SMOC2: variants seen among roughly 807,000 people sequenced by gnomAD.
The protein encoded by SMOC2 is SPARC related modular calcium binding 2.
Under a neutral mutation model 61.4 loss-of-function variants are expected in SMOC2, and 39 were observed. The ratio of observed to expected loss-of-function variants is 0.64; its 90% CI spans 0.49 to 0.83. SMOC2 has a LOEUF of 0.83. Among genes scored for constraint, SMOC2 ranks in the 40% least tolerant of loss-of-function variants. The pLI, the probability that SMOC2 is intolerant of heterozygous loss-of-function variation, is 0.00. For synonymous variants in SMOC2, 247 were observed against 239.9 expected (o/e 1.03, Z -0.27); for missense variants, 556 against 592.9 (o/e 0.94, Z 0.65).
intron 1 of SMOC2, among the ~76,000 whole-genome samples, chr6:168,473,969 A>C (rs1041918886): frequency 1.4e-4 from 21 of 152,222 alleles, no homozygotes; most frequent in African/African-American, 5.1e-4. Context: ...TAGGCAGATC[A>C]CTGACCTTAC....
intron 7 of SMOC2, among the ~76,000 whole-genome samples, chr6:168,566,479 C>CTTT (rs10553952): frequency 4.5e-4 from 53 of 118,238 alleles, no homozygotes; most frequent in South Asian, 8.9e-4. Flanking sequence ...TGTAGCACTT[C>CTTT]TTTTTTTTTT....
chr6:168,566,442 C>T (rs558155743), intron 7 of SMOC2, among the ~76,000 whole-genome samples: 114 of 150,066 alleles, frequency 7.6e-4, no homozygotes, highest in Non-Finnish European at 1.3e-3. Context: ...AAGCCTCAGA[C>T]GAATTTTCAG....
intron 9 of SMOC2, among the ~76,000 whole-genome samples, chr6:168,633,205 A>G (rs1424171465): frequency 2.6e-5 from 4 of 152,262 alleles, no homozygotes; most frequent in African/African-American, 9.6e-5. Context: ...TATTCAGATA[A>G]TCATTTGAAC....
chr6:168,582,983 C>T (rs531765804), intron 7 of SMOC2, among the ~76,000 whole-genome samples: 2 of 152,278 alleles, frequency 1.3e-5, no homozygotes, highest in South Asian at 2.1e-4. Flanking sequence ...CCAGACTCGT[C>T]CAGGCTCCGG....
At chr6:168,641,832 G>T (rs904823874) in intron 9 of SMOC2, among the ~76,000 whole-genome samples, 3 of 152,168 alleles carry the variant, frequency 2.0e-5, no homozygotes, top group Admixed American at 6.5e-5. Context: ...TTCTATCAGT[G>T]TATTAGTTAT....
At chr6:168,567,327 T>C (rs182299746) in intron 7 of SMOC2, among the ~76,000 whole-genome samples, 15 of 152,328 alleles carry the variant, frequency 9.8e-5, no homozygotes, top group African/African-American at 3.4e-4. Context: ...TCTAAAGCCA[T>C]TAGTTCAAAT....
intron 9 of SMOC2, among the ~76,000 whole-genome samples, chr6:168,633,769 G>C (rs73789156): frequency 0.012 from 1,882 of 152,234 alleles, 49 homozygotes; most frequent in African/African-American, 0.043. Flanking sequence ...TTTGTATAGA[G>C]AGAGTATGTG....
At chr6:168,462,303 T>C (rs1781734919) in intron 1 of SMOC2, among the ~76,000 whole-genome samples, 1 of 152,196 alleles carries the variant, frequency 6.6e-6, no homozygotes, top group Non-Finnish European at 1.5e-5. Flanking sequence ...CAGATTGTCC[T>C]GGGGGAAGTT....
At chr6:168,601,368 T>C (rs1233716141) in intron 8 of SMOC2, among the ~76,000 whole-genome samples, 1 of 152,228 alleles carries the variant, frequency 6.6e-6, no homozygotes, top group African/African-American at 2.4e-5. Flanking sequence ...CAGCCGACAC[T>C]GCACAGGGGT....
chr6:168,456,035 C>T (rs1014081342), intron 1 of SMOC2, among the ~76,000 whole-genome samples: 2 of 152,186 alleles, frequency 1.3e-5, no homozygotes, highest in Non-Finnish European at 2.9e-5. Flanking sequence ...CTGCAGACGC[C>T]TCATACCAGG....
At chr6:168,611,500 C>T (rs1297127241) in intron 9 of SMOC2, among the ~76,000 whole-genome samples, 1 of 115,324 alleles carries the variant, frequency 8.7e-6, no homozygotes, top group East Asian at 2.7e-4. Context: ...CCGTGGCTCC[C>T]GTGTCGGGCC....
intron 7 of SMOC2, among the ~76,000 whole-genome samples, chr6:168,568,252 C>A (rs1375908115): frequency 6.6e-6 from 1 of 152,226 alleles, no homozygotes; most frequent in Non-Finnish European, 1.5e-5. Flanking sequence ...TTTAGCGCGT[C>A]TTCTCATGTC....
chr6:168,575,831 C>T (rs557730793), intron 7 of SMOC2, among the ~76,000 whole-genome samples: 22 of 152,280 alleles, frequency 1.4e-4, no homozygotes, highest in African/African-American at 5.3e-4. Context: ...TGAAGATGAC[C>T]GACTTCCTTG....
chr6:168,450,424 C>A (rs1781434222), intron 1 of SMOC2, among the ~76,000 whole-genome samples: 1 of 152,172 alleles, frequency 6.6e-6, no homozygotes, highest in African/African-American at 2.4e-5. Flanking sequence ...GAACGGACAT[C>A]ATCTATTTTC....
intron 4 of SMOC2, among the ~76,000 whole-genome samples, chr6:168,536,057 G>A (rs1783725564): frequency 6.6e-6 from 1 of 152,246 alleles, no homozygotes; most frequent in African/African-American, 2.4e-5. Flanking sequence ...CCCAGGCTGT[G>A]CCGGCTCCTG....
intron 1 of SMOC2, among the ~76,000 whole-genome samples, chr6:168,469,776 T>A (rs1781930624): frequency 6.6e-6 from 1 of 152,100 alleles, no homozygotes; most frequent in Admixed American, 6.5e-5. Flanking sequence ...GCAGCCTCGT[T>A]AGGAGTGCGT....
At chr6:168,650,397 G>C (rs772163134) in intron 9 of SMOC2, among the ~76,000 whole-genome samples, 1 of 152,208 alleles carries the variant, frequency 6.6e-6, no homozygotes, top group Non-Finnish European at 1.5e-5. Context: ...CTCGCTGGAT[G>C]AGTGACACTG....
In SMOC2 at chr6:168,666,488, A is replaced by G; in HGVS notation, c.*50A>G. ...CCTAGACACATGGGAAATTTCCCTC[A>G]CCAAAGAGCAATTAAGAAAACAAAA... On this transcript the variant is annotated 3_prime_UTR_variant, in exon 13 of 13. Transcript: ENST00000356284. The G allele has an allele frequency of 6.3e-7, 1 of 1,599,250 alleles. No homozygotes were observed. The highest frequency in any genetic ancestry group is 1.3e-5 in the African/African-American group (1 of 74,656).
At chr6:168,579,868 C>T (rs925647046) in intron 7 of SMOC2, among the ~76,000 whole-genome samples, 1 of 152,172 alleles carries the variant, frequency 6.6e-6, no homozygotes, top group East Asian at 1.9e-4. Flanking sequence ...GGGCTAACTT[C>T]GACTCCGGTT....
Sources: gnomAD v4.1 joint callset for allele counts (sites outside exome capture counted in the v4.1 genomes callset) on GRCh38, gnomAD v4.1.1 for gene constraint, MANE v1.5 for transcripts, NCBI Gene and HGNC (gene_info 2026-07-23, HGNC 2026-07-21) for gene names.